TASP1: variants seen among roughly 807,000 people sequenced by gnomAD.
TASP1 encodes the protein taspase 1.
Under a neutral mutation model 56.6 loss-of-function variants are expected in TASP1, and 16 were observed. The ratio of observed to expected loss-of-function variants is 0.28; its 90% CI spans 0.19 to 0.43. The LOEUF (loss-of-function observed/expected upper bound fraction) is 0.43, where lower values mean the gene tolerates loss of function less well. TASP1 is among the 20% of genes least tolerant of loss of function. The pLI is 1.00. For synonymous variants in TASP1, 179 were observed against 184.2 expected, an observed-to-expected ratio of 0.97 and a Z score of 0.23; for missense variants, 393 against 511.6, an observed-to-expected ratio of 0.77 and a Z score of 2.24.
intron 12 of TASP1, among the ~76,000 whole-genome samples, chr20:13,422,285 G>C (rs2146098920): frequency 6.6e-6 from 1 of 152,230 alleles, no homozygotes; most frequent in African/African-American, 2.4e-5. Flanking sequence ...CACTAGCCAA[G>C]AAGGGTTTAA....
intron 11 of TASP1, among the ~76,000 whole-genome samples, chr20:13,451,266 T>G (rs1053772274): frequency 6.6e-6 from 1 of 152,090 alleles, no homozygotes; most frequent in East Asian, 1.9e-4. Flanking sequence ...TAAATAAGCA[T>G]TGGCTTCAAT....
intron 11 of TASP1, among the ~76,000 whole-genome samples, chr20:13,438,415 T>G (rs1381563976): frequency 6.6e-6 from 1 of 152,352 alleles, no homozygotes; most frequent in African/African-American, 2.4e-5. Flanking sequence ...AATGATTCCC[T>G]ATTTAATAAA....
chr20:13,221,730 C>T, the TASP1 span: 2 of 1,342,384 alleles, frequency 1.5e-6, no homozygotes, highest in South Asian at 3.7e-5. Flanking sequence ...TCACCGCCGC[C>T]GCCGCCGGCC....
At chr20:13,571,870 C>T (rs1031378168) in intron 6 of TASP1, among the ~76,000 whole-genome samples, 21 of 152,088 alleles carry the variant, frequency 1.4e-4, no homozygotes, top group African/African-American at 5.1e-4. Flanking sequence ...CAAGGAGGCT[C>T]CAGCCTCAGG....
chr20:13,215,923 C>A, the TASP1 span, among the ~76,000 whole-genome samples: 1 of 152,192 alleles, frequency 6.6e-6, no homozygotes. Context: ...TTTCTCATTT[C>A]TGAGCACTGT....
intron 13 of TASP1, among the ~76,000 whole-genome samples, chr20:13,396,499 G>A (rs547683432): frequency 7.2e-5 from 11 of 152,112 alleles, no homozygotes; most frequent in South Asian, 2.1e-4. Flanking sequence ...ATTGGACAAC[G>A]GAAAATGAAG....
the TASP1 span, among the ~76,000 whole-genome samples, chr20:13,182,983 C>A: frequency 6.6e-6 from 1 of 152,202 alleles, no homozygotes; most frequent in Non-Finnish European, 1.5e-5. Context: ...TTCATATGGA[C>A]TGTAACTTTG....
the TASP1 span, among the ~76,000 whole-genome samples, chr20:13,357,292 T>C: frequency 0.011 from 1,599 of 150,554 alleles, 26 homozygotes; most frequent in African/African-American, 0.038. Flanking sequence ...AAGGAAGACC[T>C]GTTCCAACCC....
chr20:13,498,378 T>A (rs902929407), intron 10 of TASP1, among the ~76,000 whole-genome samples: 7 of 141,232 alleles, frequency 5.0e-5, no homozygotes, highest in Non-Finnish European at 9.3e-5. Context: ...TGTGTGTGTG[T>A]GATGGAGTCT....
the TASP1 span, among the ~76,000 whole-genome samples, chr20:13,311,259 A>AGAT: frequency 1.8e-4 from 21 of 115,440 alleles, no homozygotes; most frequent in African/African-American, 4.5e-4. Flanking sequence ...ATAGATAGAT[A>AGAT]GATAGATAGA....
chr20:13,458,484 A>C (rs1600857795), intron 11 of TASP1, among the ~76,000 whole-genome samples: 1 of 151,978 alleles, frequency 6.6e-6, no homozygotes, highest in East Asian at 1.9e-4. Context: ...AGTAGCTGGG[A>C]TTACAGGTGC....
the TASP1 span, among the ~76,000 whole-genome samples, chr20:13,341,082 T>C: frequency 6.6e-6 from 1 of 152,180 alleles, no homozygotes; most frequent in Admixed American, 6.5e-5. Context: ...GAGCTGTCAG[T>C]TCTAAAGTCA....
chr20:13,134,873 C>G, the TASP1 span, among the ~76,000 whole-genome samples: 1 of 152,168 alleles, frequency 6.6e-6, no homozygotes, highest in African/African-American at 2.4e-5. Flanking sequence ...TGTGTTTAAA[C>G]CAAAACATCA....
chr20:13,620,713 G>C (rs1024170863), intron 4 of TASP1, among the ~76,000 whole-genome samples: 21 of 152,170 alleles, frequency 1.4e-4, no homozygotes, highest in African/African-American at 4.8e-4. Flanking sequence ...AAAGATAAGT[G>C]TTTATTCTCA....
the TASP1 span, among the ~76,000 whole-genome samples, chr20:13,121,571 C>T: frequency 0.031 from 4,793 of 152,186 alleles, 119 homozygotes; most frequent in South Asian, 0.078. Context: ...AACCTCGATA[C>T]GAGGAGACCT....
At chr20:13,347,644 G>T in the TASP1 span, among the ~76,000 whole-genome samples, 1 of 152,194 alleles carries the variant, frequency 6.6e-6, no homozygotes, top group Non-Finnish European at 1.5e-5. Context: ...TTCGAGACCA[G>T]CCTGGCCAAC....
chr20:13,253,856 C>G, the TASP1 span, among the ~76,000 whole-genome samples: 2 of 142,936 alleles, frequency 1.4e-5, no homozygotes, highest in Non-Finnish European at 3.0e-5. Context: ...CATACACATC[C>G]ATATCCATAT....
chr20:13,575,193 T>C (rs984857696), intron 6 of TASP1, among the ~76,000 whole-genome samples: 2 of 152,218 alleles, frequency 1.3e-5, no homozygotes, highest in Non-Finnish European at 2.9e-5. Context: ...CTAAATTAGC[T>C]AACTAAATTT....
chr20:13,272,942 A>G, the TASP1 span, among the ~76,000 whole-genome samples: 1 of 152,234 alleles, frequency 6.6e-6, no homozygotes, highest in Admixed American at 6.5e-5. Context: ...GCTTTTTCCC[A>G]GAGGTGGGAA....
Sources: allele counts gnomAD v4.1 joint callset (sites outside exome capture counted in the v4.1 genomes callset), GRCh38; gene constraint gnomAD v4.1.1; transcripts MANE v1.5; gene names NCBI Gene and HGNC (gene_info 2026-07-23, HGNC 2026-07-21).